KIF3C: variants seen among roughly 807,000 people sequenced by gnomAD.
KIF3C encodes the protein kinesin-like protein KIF3C.
Under a neutral mutation model 67.7 loss-of-function variants are expected in KIF3C, and 12 were observed. The observed-to-expected ratio is 0.18, with a 90% CI of 0.11 to 0.29. The LOEUF (loss-of-function observed/expected upper bound fraction) is 0.29, where lower values mean the gene tolerates loss of function less well. KIF3C is among the 10% of genes least tolerant of loss of function. The pLI is 1.00. For missense variants in KIF3C, 789 were observed against 1,059.6 expected (o/e 0.74, Z 3.55); for synonymous variants, 393 against 426.2 (o/e 0.92, Z 0.96).
At chr2:25,979,064 G>GGCC (rs1664489946) in intron 1 of KIF3C, among the ~76,000 whole-genome samples, 1 of 152,132 alleles carries the variant, frequency 6.6e-6, no homozygotes, top group South Asian at 2.1e-4. Context: ...CTGTAGGCTG[G>GGCC]GCCCCCCTGC....
intron 1 of KIF3C, among the ~76,000 whole-genome samples, chr2:25,974,363 C>T (rs914480896): frequency 2.0e-5 from 3 of 151,388 alleles, no homozygotes; most frequent in Admixed American, 1.3e-4. Flanking sequence ...CCACCGCGCC[C>T]GGCCTTTTTC....
intron 5 of KIF3C, among the ~76,000 whole-genome samples, chr2:25,937,635 A>C (rs142094862): frequency 2.6e-5 from 4 of 152,104 alleles, no homozygotes; most frequent in Non-Finnish European, 4.4e-5. Flanking sequence ...GAACTTAACA[A>C]CCTCCGGAGG....
In KIF3C at chr2:25,971,757, G is replaced by A. The variant is rs139213901; in HGVS notation, c.1545+8616C>T. ...GGGTCTCGCTCTGTTGTCCAGGCTGGAGTGCGGTGGCAAGATCAAGGCTCA... is the reference window on the plus strand; with the variant it reads ...GGGTCTCGCTCTGTTGTCCAGGCTGAAGTGCGGTGGCAAGATCAAGGCTCA... On this transcript the variant is annotated intron_variant, in intron 1 of 7. Transcript: ENST00000264712. Among the ~76,000 whole-genome samples the A allele has an allele frequency of 4.1e-3, 630 of 152,012 alleles. 6 individuals are homozygous for A. Among genetic ancestry groups the A allele is most frequent in the Admixed American group, 4.6e-3 (70 of 15,236 alleles).
rs1442345559 is a variant in KIF3C, at chr2:25,980,332, G to A, written c.1545+41C>T. 6.6e-7 allele frequency: 1 copy of A among 1,513,396 alleles called. No homozygotes were observed. The highest frequency in any genetic ancestry group is 1.4e-5 in the African/African-American group (1 of 72,514). The allele number at this position is 1,513,396 out of a possible 1,614,324, so 93.7% of individuals were successfully genotyped here. ...AAGAGCCTCCTTGCCGGGATCCCCT[G>A]CGGGGACATCTCGAGTGCCCAGCTC... is the stretch of plus-strand genomic sequence containing the variant. On this transcript the variant is annotated intron_variant, in intron 1 of 7. Transcript: ENST00000264712. This position sits in a 1 kb window ranked among gnomAD's most constrained non-coding sequence, Gnocchi z 7.6.
chr2:25,932,003 G>GTTTTT (rs775155142), intron 5 of KIF3C, among the ~76,000 whole-genome samples: 10 of 96,160 alleles, frequency 1.0e-4, no homozygotes, highest in East Asian at 3.1e-4. Context: ...CTTCTGTTTT[G>GTTTTT]TTTTTTTTTT....
intron 1 of KIF3C, among the ~76,000 whole-genome samples, chr2:25,973,846 C>G (rs370827337): frequency 3.6e-4 from 55 of 152,266 alleles, no homozygotes; most frequent in African/African-American, 1.3e-3. Context: ...CAGGGTTTTC[C>G]TATTGGAGTA....
chr2:25,929,026 G>C lies in KIF3C; in HGVS notation c.2334C>G (p.Ser778=). The change falls in exon 8 of 8, where the codon TCC becomes TCG. Residue 778 remains serine (S), a synonymous_variant. Coordinates refer to ENST00000264712, the MANE Select transcript of KIF3C (RefSeq NM_002254.8). The part of the protein sequence containing the change: ...QRPPPSTTHA[S]LASASLRPAT... ...CAGGGCGCAGAGAAGCAGAGGCCAGGGAGGCATGTGTGGTGGAAGGTGGAG... is the reference window on the plus strand; with the variant it reads ...CAGGGCGCAGAGAAGCAGAGGCCAGCGAGGCATGTGTGGTGGAAGGTGGAG... 1 of 1,613,910 alleles carries C rather than the reference G, an allele frequency of 6.2e-7. No homozygotes were observed. The highest frequency in any genetic ancestry group is 8.5e-7 in the Non-Finnish European group (1 of 1,179,976).
At chr2:25,972,531 G>T (rs1043168431) in intron 1 of KIF3C, among the ~76,000 whole-genome samples, 1 of 152,078 alleles carries the variant, frequency 6.6e-6, no homozygotes, top group Admixed American at 6.6e-5. Context: ...CTGGAGTATG[G>T]GTCACTTGTT....
intron 5 of KIF3C, chr2:25,951,584 C>CT (rs1444521385): frequency 2.5e-5 from 13 of 517,548 alleles, no homozygotes; most frequent in African/African-American, 3.9e-5. Flanking sequence ...CAATGAGACA[C>CT]TTTTTTTCCC....
chr2:25,954,261 C>A lies in KIF3C; in HGVS notation c.1889+6G>T. 6.2e-7 allele frequency: 1 copy of A among 1,606,824 alleles called. No individual in the cohort carries two copies. Among genetic ancestry groups the A allele is most frequent in the Non-Finnish European group, 8.5e-7 (1 of 1,173,428 alleles). Reference sequence around the variant, plus strand: ...GACCCGGGATGAAAAGAGCTGCGGGCCCTACTTGAGCTTGAGTTCGCGGGT... The same window carrying A: ...GACCCGGGATGAAAAGAGCTGCGGGACCTACTTGAGCTTGAGTTCGCGGGT... On this transcript the variant is annotated splice_donor_region_variant and intron_variant, in intron 4 of 7. Transcript: ENST00000264712.
intron 1 of KIF3C, among the ~76,000 whole-genome samples, chr2:25,976,894 C>T (rs1191750100): frequency 6.6e-6 from 1 of 152,174 alleles, no homozygotes; most frequent in Non-Finnish European, 1.5e-5. Flanking sequence ...GTATACTGCG[C>T]ACAAATATTT....
intron 1 of KIF3C, among the ~76,000 whole-genome samples, chr2:25,976,117 C>G (rs1377834075): frequency 1.3e-5 from 2 of 152,176 alleles, no homozygotes; most frequent in Non-Finnish European, 1.5e-5. Context: ...GAAACATTCT[C>G]TCTTGCATTT....
chr2:25,951,919 T>A lies in KIF3C; in HGVS notation c.1890-14A>T. ...ATGATTAGGTACCTGGGAGCAGGAA[T>A]GAAGGAGTGATGGGAAAATGGGTGA... On this transcript the variant is annotated splice_polypyrimidine_tract_variant and intron_variant, in intron 4 of 7. Transcript: ENST00000264712. 1.3e-6 allele frequency: 2 copies of A among 1,567,386 alleles called. No homozygotes were observed. Among genetic ancestry groups the A allele is most frequent in the South Asian group, 2.2e-5 (2 of 90,248 alleles).
chr2:25,979,056 G>A (rs541466892), intron 1 of KIF3C, among the ~76,000 whole-genome samples: 4 of 152,284 alleles, frequency 2.6e-5, no homozygotes, highest in East Asian at 3.9e-4. Flanking sequence ...CCCAGTGGCT[G>A]TAGGCTGGGC....
rs1458081339 is a variant in KIF3C, at chr2:25,962,990, T to TACATATAATATATAATATATAATATATA, written c.1546-6547_1546-6546insTATATATTATATATTATATATTATATGT. Among the ~76,000 whole-genome samples the TACATATAATATATAATATATAATATATA allele has an allele frequency of 5.5e-5, 2 of 36,394 alleles. 1 individual carries two copies. Among genetic ancestry groups the TACATATAATATATAATATATAATATATA allele is most frequent in the Non-Finnish European group, 8.1e-5 (2 of 24,670 alleles). The allele number at this position is 36,394 out of a possible 152,430, so 23.9% of individuals were successfully genotyped here. A position where few individuals can be genotyped will look rare whatever the true frequency, so the allele number is the denominator to read the frequency against. On this transcript the variant is annotated intron_variant, in intron 1 of 7. Coordinates refer to ENST00000264712, the MANE Select transcript of KIF3C (RefSeq NM_002254.8). Reference sequence around the variant, plus strand: ...ATAATATATAATATATAATATATAATATATATAATATATAATATATAATAT... The same window carrying TACATATAATATATAATATATAATATATA: ...ATAATATATAATATATAATATATAATACATATAATATATAATATATAATATATAATATATAATATATAATATATAATAT...
Position 25,955,692 on chromosome 2 carries a change from A to AAGG in KIF3C, c.1648-32_1648-30dup. 1 of 1,613,334 alleles carries AAGG rather than the reference A, an allele frequency of 6.2e-7. No individual in the cohort carries two copies. Among genetic ancestry groups the AAGG allele is most frequent in the Non-Finnish European group, 8.5e-7 (1 of 1,179,544 alleles). Reference sequence around the variant, plus strand: ...GGCCAAGGACGGGCAGTGTGGCTCAAAGGAGCAGTGCATACTCGGGAGGGC... The same window carrying AAGG: ...GGCCAAGGACGGGCAGTGTGGCTCAAAGGAGGAGCAGTGCATACTCGGGAGGGC... On this transcript the variant is annotated intron_variant, in intron 2 of 7. Transcript: ENST00000264712. This position sits in a 1 kb window ranked among gnomAD's most constrained non-coding sequence, Gnocchi z 5.0.
intron 5 of KIF3C, among the ~76,000 whole-genome samples, chr2:25,938,917 C>T (rs1206798284): frequency 1.3e-5 from 2 of 152,106 alleles, no homozygotes; most frequent in Non-Finnish European, 2.9e-5. Flanking sequence ...CATCTCTCAG[C>T]TCCATCTCAG....
At position 25,929,006 on chromosome 2, in the gene KIF3C, C is replaced by T. The variant is rs556962205; in HGVS notation, c.2354G>A (p.Arg785His). Residue 785 changes from arginine (R) to histidine (H), a missense_variant, in exon 8 of 8, where the codon CGC becomes CAC. By Grantham distance (29) the Arg-to-His change is conservative. Around this residue, in one of 2 missense-constraint regions of KIF3C, gnomAD observed 648 missense variants for 807.8 expected, o/e 0.80. Transcript: ENST00000264712. Reference protein sequence around the residue: ...THASLASASLRPATVADHE With the variant: ...THASLASASLHPATVADHE ...CTCATGGTCCGCCACTGTTGCAGGG[C>T]GCAGAGAAGCAGAGGCCAGGGAGGC... The T allele has an allele frequency of 3.6e-5, 58 of 1,613,658 alleles. No homozygotes were observed. In the Admixed American group the frequency reaches 3.7e-4, roughly 10 times the overall value.
In KIF3C at chr2:25,980,765, C is replaced by T. The variant is rs1664551211; in HGVS notation, c.1153G>A (p.Glu385Lys). 6.2e-7 allele frequency: 1 copy of T among 1,614,208 alleles called. No homozygotes were observed. Among genetic ancestry groups the T allele is most frequent in the Non-Finnish European group, 8.5e-7 (1 of 1,180,022 alleles). ...TGGGCCTTCAGGCGGGCAATCTCCT[C>T]TTGGAATTCCCGCAGCAGTGTGTCC... ...PKDTLLREFQ[E>K]EIARLKAQLE... The change falls in exon 1 of 8, where the codon GAG becomes AAG. Residue 385 changes from glutamate (E) to lysine (K), a missense_variant. This residue lies in a region of KIF3C where 648 missense variants were observed against 807.8 expected (regional missense o/e 0.80). Transcript: ENST00000264712. The surrounding 1 kb of genome is among the most constrained non-coding windows in gnomAD (Gnocchi z 7.6).
Sources: gnomAD v4.1 joint callset for allele counts (sites outside exome capture counted in the v4.1 genomes callset) on GRCh38, gnomAD v4.1.1 for gene constraint, gnomAD v4.1.1 regional missense constraint, Gnocchi (gnomAD v3.1) non-coding constraint, MANE v1.5 for transcripts, NCBI Gene and HGNC (gene_info 2026-07-23, HGNC 2026-07-21) for gene names.